The following ARHGAP24 variants were observed in gnomAD, a reference collection of about 807,000 sequenced individuals.
ARHGAP24 encodes the protein Rho GTPase activating protein 24.
A neutral mutation model predicts 76.4 loss-of-function variants in ARHGAP24; 50 were observed. The observed-to-expected ratio is 0.65, with a 90% CI of 0.52 to 0.83. The LOEUF (loss-of-function observed/expected upper bound fraction) is 0.83. Ranked by LOEUF, ARHGAP24 falls within the 40% of genes least tolerant of loss-of-function variation. The probability of loss-of-function intolerance (pLI) is 0.00; values close to 1 mark genes in which losing one functional copy is unlikely to be tolerated. For synonymous variants in ARHGAP24, 345 were observed against 323.3 expected, an observed-to-expected ratio of 1.07 and a Z score of -0.72; for missense variants, 930 against 914.2, an observed-to-expected ratio of 1.02 and a Z score of -0.22.
chr4:85,816,776 A>G (rs1167080537), intron 3 of ARHGAP24, among the ~76,000 whole-genome samples: 1 of 152,202 alleles, frequency 6.6e-6, no homozygotes, highest in Non-Finnish European at 1.5e-5. Flanking sequence ...AATTGGATAT[A>G]TACCCAGAAG....
intron 1 of ARHGAP24, among the ~76,000 whole-genome samples, chr4:85,543,508 T>A (rs1725790573): frequency 6.6e-6 from 1 of 152,102 alleles, no homozygotes; most frequent in Non-Finnish European, 1.5e-5. Flanking sequence ...AAAGGTGAAA[T>A]GATGATTGAA....
At chr4:85,789,220 TAA>T (rs35635619) in intron 3 of ARHGAP24, among the ~76,000 whole-genome samples, 14,352 of 128,120 alleles carry the variant, frequency 0.11, 1,618 homozygotes, top group East Asian at 0.61. Context: ...GAACCTCCAT[TAA>T]AAAAAAAAAA....
At chr4:85,886,299 G>A (rs1373765653) in intron 3 of ARHGAP24, among the ~76,000 whole-genome samples, 1 of 152,158 alleles carries the variant, frequency 6.6e-6, no homozygotes, top group African/African-American at 2.4e-5. Flanking sequence ...AATACAAAAT[G>A]TGAGTTGGGT....
intron 8 of ARHGAP24, chr4:85,990,723 A>T (rs1740271398): frequency 6.6e-6 from 1 of 151,910 alleles, no homozygotes; most frequent in Admixed American, 6.6e-5. Flanking sequence ...GCCCTAAAAA[A>T]TATAAATAAA....
intron 3 of ARHGAP24, among the ~76,000 whole-genome samples, chr4:85,908,376 G>A (rs7696763): frequency 0.11 from 16,859 of 152,030 alleles, 984 homozygotes; most frequent in South Asian, 0.13. Context: ...TATTATTTCT[G>A]TACTCATCAC....
chr4:85,682,544 C>T (rs1450279362), intron 2 of ARHGAP24, among the ~76,000 whole-genome samples: 10 of 152,092 alleles, frequency 6.6e-5, no homozygotes, highest in Admixed American at 6.6e-4. Flanking sequence ...GTTTTGGGAG[C>T]CAGCAAGAAG....
chr4:85,821,425 G>A (rs1352434055), intron 3 of ARHGAP24, among the ~76,000 whole-genome samples: 1 of 152,180 alleles, frequency 6.6e-6, no homozygotes, highest in East Asian at 1.9e-4. Context: ...CCAGGCTGGG[G>A]TGCAGTGGCA....
chr4:85,488,158 T>C (rs922323420), intron 1 of ARHGAP24, among the ~76,000 whole-genome samples: 1 of 151,702 alleles, frequency 6.6e-6, no homozygotes, highest in Non-Finnish European at 1.5e-5. Context: ...ATGGATAAAA[T>C]TGTTGCCTAG....
At chr4:85,932,352 T>C (rs1186636912) in intron 4 of ARHGAP24, among the ~76,000 whole-genome samples, 1 of 152,172 alleles carries the variant, frequency 6.6e-6, no homozygotes, top group African/African-American at 2.4e-5. Flanking sequence ...AAATTGGTTC[T>C]ATGCAAACAC....
chr4:85,840,889 G>A (rs542706118), intron 3 of ARHGAP24, among the ~76,000 whole-genome samples: 36 of 152,270 alleles, frequency 2.4e-4, no homozygotes, highest in Non-Finnish European at 3.4e-4. Context: ...TTTATCAGAC[G>A]TGAAACTGCT....
chr4:85,738,037 C>T (rs1325060295), intron 3 of ARHGAP24, among the ~76,000 whole-genome samples: 3 of 152,096 alleles, frequency 2.0e-5, no homozygotes, highest in Admixed American at 6.6e-5. Context: ...TTTCATGCCT[C>T]GGCCTCCCAA....
At chr4:85,872,454 G>A (rs752759151) in intron 3 of ARHGAP24, among the ~76,000 whole-genome samples, 25 of 151,412 alleles carry the variant, frequency 1.7e-4, no homozygotes, top group Non-Finnish European at 2.9e-4. Flanking sequence ...CCACCACCAC[G>A]CCCAGCTAAC....
At chr4:85,640,364 T>A (rs1478894454) in intron 2 of ARHGAP24, among the ~76,000 whole-genome samples, 2 of 152,182 alleles carry the variant, frequency 1.3e-5, no homozygotes. Context: ...CTTTGCCTCC[T>A]GACCAACCCT....
chr4:85,793,238 A>T (rs907467388), intron 3 of ARHGAP24, among the ~76,000 whole-genome samples: 1 of 152,166 alleles, frequency 6.6e-6, no homozygotes, highest in African/African-American at 2.4e-5. Context: ...AGTAACTCTA[A>T]AATGTATATT....
At chr4:85,963,052 C>T (rs1440165490) in intron 5 of ARHGAP24, among the ~76,000 whole-genome samples, 2 of 151,882 alleles carry the variant, frequency 1.3e-5, no homozygotes, top group Admixed American at 6.6e-5. Context: ...TATGTACACA[C>T]ATTTACAATA....
chr4:85,613,322 C>A (rs1257039887), intron 2 of ARHGAP24, among the ~76,000 whole-genome samples: 1 of 152,162 alleles, frequency 6.6e-6, no homozygotes, highest in Non-Finnish European at 1.5e-5. Flanking sequence ...GTACTTCGTT[C>A]ATTTTAACTG....
rs1176260215 is a variant in ARHGAP24 at position 85,755,625 on chromosome 4, T to TG, written c.268+33654dup. ...GTTCTATGGGAAGCTTCTATTCTTT[T>TG]GTTTTGTTTTGTTTTGTTTTGTTTT... is the stretch of plus-strand genomic sequence containing the variant. On this transcript the variant is annotated intron_variant, in intron 3 of 9. Transcript: ENST00000395184. 4.7e-4 allele frequency among the ~76,000 whole-genome samples: 14 copies of TG among 30,022 alleles called. 1 individual carries two copies. Among genetic ancestry groups the TG allele is most frequent in the Non-Finnish European group, 8.2e-4 (4 of 4,854 alleles). 19.7% of individuals were successfully genotyped at this position (30,022 alleles called of 152,430 possible).
At chr4:85,697,227 A>C (rs1166790936) in intron 2 of ARHGAP24, among the ~76,000 whole-genome samples, 3 of 152,170 alleles carry the variant, frequency 2.0e-5, no homozygotes, top group Non-Finnish European at 4.4e-5. Context: ...ATTCTAAAGA[A>C]GTTATGAAGA....
At chr4:85,959,014 G>A (rs1738086329) in intron 5 of ARHGAP24, among the ~76,000 whole-genome samples, 1 of 152,174 alleles carries the variant, frequency 6.6e-6, no homozygotes. Flanking sequence ...CTGCAAGAAA[G>A]GATTCAGGGC....
Sources: allele counts gnomAD v4.1 joint callset (sites outside exome capture counted in the v4.1 genomes callset), GRCh38; gene constraint gnomAD v4.1.1; transcripts MANE v1.5; gene names NCBI Gene and HGNC (gene_info 2026-07-23, HGNC 2026-07-21).